Variants in GABRG3 observed in about 807,000 individuals in gnomAD.
GABRG3 encodes gamma-aminobutyric acid receptor subunit gamma-3.
A neutral mutation model predicts 48.8 loss-of-function variants in GABRG3; 25 were observed. The observed-to-expected ratio is 0.51, with a 90% CI of 0.37 to 0.72. GABRG3 has a LOEUF of 0.72. GABRG3 is among the 30% of genes least tolerant of loss of function. GABRG3 has a pLI of 0.00. For missense variants in GABRG3, 394 were observed against 577.9 expected, an observed-to-expected ratio of 0.68 and a Z score of 3.26; for synonymous variants, 227 against 217.6, an observed-to-expected ratio of 1.04 and a Z score of -0.38.
intron 6 of GABRG3, among the ~76,000 whole-genome samples, chr15:27,506,565 C>T (rs532139249): frequency 3.9e-5 from 6 of 152,220 alleles, no homozygotes; most frequent in Middle Eastern, 6.8e-3. Context: ...GAGATTTTTC[C>T]CTAGAGCCCC....
intron 5 of GABRG3, among the ~76,000 whole-genome samples, chr15:27,356,042 T>G (rs1024079506): frequency 6.6e-6 from 1 of 152,206 alleles, no homozygotes; most frequent in African/African-American, 2.4e-5. Context: ...AGATTGTTAC[T>G]GAAACCCACC....
rs1198660136 is a variant in GABRG3, at chr15:27,388,315, AG to A, written c.574+59430del. Among the ~76,000 whole-genome samples the A allele has an allele frequency of 1.1e-3, 27 of 23,760 alleles. 3 individuals carry two copies. Among genetic ancestry groups the A allele is most frequent in the African/African-American group, 3.4e-3 (18 of 5,346 alleles). 15.6% of individuals were successfully genotyped at this position (23,760 alleles called of 152,430 possible). ...AGAAAAGAAGGAAGGAAAGGGAGGG[AG>A]GGAAAAGAAGGAAGGAAGGAAAGGT... On this transcript the variant is annotated intron_variant, in intron 5 of 9. Transcript: ENST00000615808.
intron 5 of GABRG3, among the ~76,000 whole-genome samples, chr15:27,337,372 C>G (rs1304900965): frequency 6.6e-6 from 1 of 152,090 alleles, no homozygotes; most frequent in Non-Finnish European, 1.5e-5. Context: ...TCAATACAGT[C>G]TATACAGAAT....
At chr15:27,298,412 A>G (rs1892075203) in intron 3 of GABRG3, among the ~76,000 whole-genome samples, 1 of 152,108 alleles carries the variant, frequency 6.6e-6, no homozygotes, top group Non-Finnish European at 1.5e-5. Flanking sequence ...TTTGAAAAGG[A>G]AAAGTGGGCT....
At chr15:27,480,577 A>G in intron 5 of GABRG3, 73 bp from the exon 6 acceptor site, 1 of 1,330,364 alleles carries the variant, frequency 7.5e-7, no homozygotes, top group East Asian at 2.5e-5. Flanking sequence ...TTCATTGATC[A>G]GAATTATAAT....
At chr15:27,259,718 CA>C (rs1051658420) in intron 3 of GABRG3, among the ~76,000 whole-genome samples, 14 of 152,106 alleles carry the variant, frequency 9.2e-5, no homozygotes, top group Non-Finnish European at 4.4e-5. Flanking sequence ...TCCCTCTTTC[CA>C]CCATCCTTTC....
intron 3 of GABRG3, among the ~76,000 whole-genome samples, chr15:27,206,866 C>T (rs958159045): frequency 3.3e-5 from 5 of 152,114 alleles, no homozygotes; most frequent in African/African-American, 1.2e-4. Context: ...ATAAGAATAG[C>T]AACCGGTGCT....
intron 3 of GABRG3, among the ~76,000 whole-genome samples, chr15:27,109,413 C>T (rs1478149000): frequency 2.0e-5 from 3 of 152,130 alleles, no homozygotes; most frequent in Admixed American, 1.3e-4. Context: ...GAATGTGTAA[C>T]GCTATGTATC....
intron 7 of GABRG3, among the ~76,000 whole-genome samples, chr15:27,527,211 A>T (rs1279386935): frequency 2.0e-5 from 3 of 152,266 alleles, no homozygotes; most frequent in Admixed American, 1.3e-4. Flanking sequence ...GATTTGATTC[A>T]GGCACTTTAA....
chr15:27,145,603 C>CTATCTATCTA (rs1555405976), intron 3 of GABRG3, among the ~76,000 whole-genome samples: 3 of 102,298 alleles, frequency 2.9e-5, no homozygotes, highest in South Asian at 3.2e-4. Context: ...ATATATCTAT[C>CTATCTATCTA]TCTATCTATC....
chr15:27,277,118 G>A (rs1891281894), intron 3 of GABRG3, among the ~76,000 whole-genome samples: 1 of 152,226 alleles, frequency 6.6e-6, no homozygotes, highest in East Asian at 1.9e-4. Context: ...AAGGAGGAGA[G>A]AATCTGCTGG....
intron 3 of GABRG3, among the ~76,000 whole-genome samples, chr15:27,226,738 GA>G (rs527545882): frequency 1.8e-4 from 27 of 152,342 alleles, no homozygotes; most frequent in African/African-American, 6.0e-4. Flanking sequence ...CTGACCAGCA[GA>G]TCCCCCTCTG....
intron 3 of GABRG3, among the ~76,000 whole-genome samples, chr15:27,263,815 G>A (rs1229914450): frequency 6.6e-6 from 1 of 151,916 alleles, no homozygotes; most frequent in East Asian, 1.9e-4. Flanking sequence ...AGTCCCCGCT[G>A]CTCCGGAGGC....
At chr15:27,127,464 T>G in intron 3 of GABRG3, among the ~76,000 whole-genome samples, 5 of 150,304 alleles carry the variant, frequency 3.3e-5, no homozygotes, top group South Asian at 2.2e-4. Context: ...TGGGAGCCGT[T>G]TAATGTGGAC....
intron 3 of GABRG3, among the ~76,000 whole-genome samples, chr15:27,177,575 C>T (rs965841258): frequency 1.3e-5 from 2 of 152,180 alleles, no homozygotes; most frequent in Admixed American, 1.3e-4. Flanking sequence ...CTAAATTCCT[C>T]TCATAGTTAG....
At chr15:27,194,310 A>G (rs1330860578) in intron 3 of GABRG3, among the ~76,000 whole-genome samples, 2 of 152,232 alleles carry the variant, frequency 1.3e-5, no homozygotes, top group South Asian at 2.1e-4. Flanking sequence ...TCATGTAAAG[A>G]TGGATTGTCA....
Position 27,291,774 on chromosome 15 carries a change from C to A in GABRG3, c.271-35035C>A, listed in dbSNP as rs1228659100. ...TGTGAACCCACATGGTTTGACTACA[C>A]ACATATGTGTCTACACACTGTTGGA... is the stretch of plus-strand genomic sequence containing the variant. On this transcript the variant is annotated intron_variant, in intron 3 of 9. Coordinates refer to ENST00000615808, the MANE Select transcript of GABRG3 (RefSeq NM_033223.5). 2.0e-5 allele frequency among the ~76,000 whole-genome samples: 3 copies of A among 152,212 alleles called. No individual in the cohort carries two copies. In the East Asian group the frequency reaches 5.8e-4, roughly 29 times the overall value.
intron 3 of GABRG3, among the ~76,000 whole-genome samples, chr15:27,181,786 C>A (rs1403829830): frequency 1.3e-5 from 2 of 152,066 alleles, no homozygotes; most frequent in Non-Finnish European, 2.9e-5. Flanking sequence ...GAGTTCTGGT[C>A]ATTTTCAGAT....
chr15:27,507,515 ATAAT>A (rs1364649675), intron 6 of GABRG3, among the ~76,000 whole-genome samples: 1 of 152,044 alleles, frequency 6.6e-6, no homozygotes, highest in Non-Finnish European at 1.5e-5. Context: ...AAAAATAAAA[ATAAT>A]AAATAAATAA....
Sources: allele counts gnomAD v4.1 joint callset (sites outside exome capture counted in the v4.1 genomes callset), GRCh38; gene constraint gnomAD v4.1.1; transcripts MANE v1.5; gene names NCBI Gene and HGNC (gene_info 2026-07-23, HGNC 2026-07-21).